The following CDC42 variants were observed in gnomAD, a reference collection of about 807,000 sequenced individuals.
CDC42 encodes the protein cell division cycle 42, also known as cell division control protein 42 homolog.
Under a neutral mutation model 20.8 loss-of-function variants are expected in CDC42, and 1 was observed. That is an observed-to-expected ratio of 0.05 (90% CI 0.02 to 0.23). CDC42 has a LOEUF of 0.23. CDC42 is among the 10% of genes least tolerant of loss of function. The pLI is 1.00. For missense variants in CDC42, 49 were observed against 227.9 expected, an observed-to-expected ratio of 0.21 and a Z score of 5.05; for synonymous variants, 72 against 84.8, an observed-to-expected ratio of 0.85 and a Z score of 0.83.
At chr1:22,072,702 G>A (rs778241919) in intron 1 of CDC42, among the ~76,000 whole-genome samples, 2 of 151,922 alleles carry the variant, frequency 1.3e-5, no homozygotes, top group African/African-American at 2.4e-5. Flanking sequence ...CCCTTCCACC[G>A]CCACCCTGTC....
chr1:22,058,662 A>G (rs1443595919), intron 1 of CDC42, among the ~76,000 whole-genome samples: 1 of 151,620 alleles, frequency 6.6e-6, no homozygotes, highest in African/African-American at 2.4e-5. Flanking sequence ...TTGTATTTTT[A>G]GTAGAGATGG....
chr1:22,060,089 C>A (rs1569960098), intron 1 of CDC42, among the ~76,000 whole-genome samples: 1 of 151,896 alleles, frequency 6.6e-6, no homozygotes, highest in Non-Finnish European at 1.5e-5. Context: ...TGCTTGTAAT[C>A]CCAGCACTTT....
chr1:22,055,516 G>T lies in CDC42; in HGVS notation c.-51+2774G>T, dbSNP rs1448130044. Among the ~76,000 whole-genome samples the T allele has an allele frequency of 2.0e-5, 3 of 149,928 alleles. No homozygotes were observed. The East Asian group carries it at 5.8e-4, about 29-fold the overall frequency. On this transcript the variant is annotated intron_variant, in intron 1 of 5. Transcript: ENST00000656825. ...TTTTTTTTTTTTTTTTGGAGACAGG[G>T]TCTTACTCTGTCGCCCAGGCTAGAG...
rs747002932 is a variant in CDC42, at chr1:22,094,294, A to ATTTTTTTTT, written c.*2790_*2798dup. Among the ~76,000 whole-genome samples the ATTTTTTTTT allele has an allele frequency of 0.023, 883 of 38,248 alleles. 289 individuals are homozygous for ATTTTTTTTT. Among genetic ancestry groups the ATTTTTTTTT allele is most frequent in the African/African-American group, 0.044 (363 of 8,168 alleles). 25.1% of individuals were successfully genotyped at this position (38,248 alleles called of 152,430 possible). On this transcript the variant is annotated 3_prime_UTR_variant, in exon 6 of 6. Coordinates refer to ENST00000656825, the MANE Select transcript of CDC42 (RefSeq NM_001791.4). ...GTTTTACTGAACATCCTAGAAATAGATTTTTTTTTTTTTTTTTTTTTGAGA... is the reference window on the plus strand; with the variant it reads ...GTTTTACTGAACATCCTAGAAATAGATTTTTTTTTTTTTTTTTTTTTTTTTTTTTTGAGA...
intron 1 of CDC42, among the ~76,000 whole-genome samples, chr1:22,077,662 T>TA (rs1470677058): frequency 6.6e-6 from 1 of 152,180 alleles, no homozygotes; most frequent in Non-Finnish European, 1.5e-5. Context: ...GACTCAAAGA[T>TA]ACATTCTGAC....
At chr1:22,079,202 G>A (rs1442983328) in intron 2 of CDC42, among the ~76,000 whole-genome samples, 3 of 148,276 alleles carry the variant, frequency 2.0e-5, no homozygotes, top group Non-Finnish European at 4.4e-5. Flanking sequence ...GCAGTAGCGC[G>A]ATCTCGGCTT....
rs1645758905 is a variant in CDC42, at chr1:22,096,436, A to G, written c.*4919A>G. ...TTGAATAACTATGTCATCTCTTTCCACTTTGCATTGCTCCCAAGAGAGTAA... is the reference window on the plus strand; with the variant it reads ...TTGAATAACTATGTCATCTCTTTCCGCTTTGCATTGCTCCCAAGAGAGTAA... On this transcript the variant is annotated 3_prime_UTR_variant, in exon 6 of 6. Transcript: ENST00000656825. Among the ~76,000 whole-genome samples, 2 of 151,992 alleles carry G rather than the reference A, an allele frequency of 1.3e-5. No homozygotes were observed.
At chr1:22,066,215 A>G (rs10917136) in intron 1 of CDC42, among the ~76,000 whole-genome samples, 1,812 of 152,266 alleles carry the variant, frequency 0.012, 33 homozygotes, top group African/African-American at 0.041. Flanking sequence ...CTTAAAATCT[A>G]TTAGAGGGGC....
At chr1:22,056,610 T>G (rs1381782863) in intron 1 of CDC42, among the ~76,000 whole-genome samples, 1 of 152,264 alleles carries the variant, frequency 6.6e-6, no homozygotes, top group Non-Finnish European at 1.5e-5. Context: ...CAATTTTCAT[T>G]ACTTGCCATT....
chr1:22,062,996 TTGGA>T (rs1645383459), intron 1 of CDC42, among the ~76,000 whole-genome samples: 1 of 152,188 alleles, frequency 6.6e-6, no homozygotes, highest in South Asian at 2.1e-4. Flanking sequence ...GCAGCCCACC[TTGGA>T]ATACAGGCAC....
rs1318988456 is a variant in CDC42 at position 22,092,188 on chromosome 1, G to C, written c.*671G>C. On this transcript the variant is annotated 3_prime_UTR_variant, in exon 6 of 6. Transcript: ENST00000656825. Reference sequence around the variant, plus strand: ...TTCTCTCCACCCTTGAGTAGATCCAGTATTTGATGAAACTCATGAAAGTGG... The same window carrying C: ...TTCTCTCCACCCTTGAGTAGATCCACTATTTGATGAAACTCATGAAAGTGG... 6.6e-6 allele frequency: 1 copy of C among 152,496 alleles called. No individual in the cohort carries two copies. The highest frequency in any genetic ancestry group is 1.9e-4 in the East Asian group (1 of 5,188). 9.4% of individuals were successfully genotyped at this position (152,496 alleles called of 1,614,324 possible).
At chr1:22,058,592 C>T (rs578164282) in intron 1 of CDC42, among the ~76,000 whole-genome samples, 15 of 151,596 alleles carry the variant, frequency 9.9e-5, no homozygotes, top group South Asian at 4.2e-4. Flanking sequence ...AAGTGATTCT[C>T]CTGCCTCAAC....
intron 1 of CDC42, among the ~76,000 whole-genome samples, chr1:22,077,512 A>C (rs1645564647): frequency 6.6e-6 from 1 of 152,082 alleles, no homozygotes; most frequent in Non-Finnish European, 1.5e-5. Context: ...TTTAAATATA[A>C]ATCTTAAAAT....
chr1:22,054,917 ATATATTTTTTTTTTTTTTTTTTTTTTT>A (rs1645284364), intron 1 of CDC42, among the ~76,000 whole-genome samples: 5 of 12,304 alleles, frequency 4.1e-4, no homozygotes, highest in South Asian at 5.1e-3. Flanking sequence ...ATATATATAT[ATATATTTTTTTTTTTTTTTTTTTTTTT>A]TTTTTTTTTT....
chr1:22,078,648 T>C, intron 2 of CDC42, 65 bp downstream of exon 2: 5 of 1,558,248 alleles, frequency 3.2e-6, no homozygotes, highest in Non-Finnish European at 4.4e-6. Context: ...TTGAAAACGC[T>C]TTCTCTATGT....
chr1:22,070,464 TTTTTTTTTTTTTTTTTTG>T (rs1313129749), intron 1 of CDC42, among the ~76,000 whole-genome samples: 2 of 113,620 alleles, frequency 1.8e-5, no homozygotes, highest in African/African-American at 7.4e-5. Flanking sequence ...TTTTTTTTTT[TTTTTTTTTTTTTTTTTTG>T]AGACAGAGTC....
chr1:22,087,530 T>C, intron 5 of CDC42, among the ~76,000 whole-genome samples: 1 of 152,168 alleles, frequency 6.6e-6, no homozygotes, highest in East Asian at 1.9e-4. Context: ...GACTTGTAAC[T>C]GATGTGTATG....
At chr1:22,088,103 T>C (rs1645679031) in intron 5 of CDC42, among the ~76,000 whole-genome samples, 1 of 152,252 alleles carries the variant, frequency 6.6e-6, no homozygotes, top group African/African-American at 2.4e-5. Context: ...TTCTCATGCA[T>C]AGCAACTGTT....
At chr1:22,077,685 A>T (rs1016493) in intron 1 of CDC42, among the ~76,000 whole-genome samples, 144,067 of 152,280 alleles carry the variant, frequency 0.95, 68,241 homozygotes, top group East Asian at 1. Flanking sequence ...TAGAGATGTT[A>T]ACATGAAAAA....
Sources: gnomAD v4.1 joint callset for allele counts (sites outside exome capture counted in the v4.1 genomes callset) on GRCh38, gnomAD v4.1.1 for gene constraint, MANE v1.5 for transcripts, NCBI Gene and HGNC (gene_info 2026-07-23, HGNC 2026-07-21) for gene names.